ROBO1: variants seen among roughly 807,000 people sequenced by gnomAD.
ROBO1 encodes the protein roundabout homolog 1.
A neutral mutation model predicts 195.9 loss-of-function variants in ROBO1; 149 were observed. The observed-to-expected ratio is 0.76, with a 90% CI of 0.67 to 0.87. ROBO1 has a LOEUF of 0.87. ROBO1 is among the 40% of genes least tolerant of loss of function. ROBO1 has a pLI of 0.00. For missense variants in ROBO1, 1,933 were observed against 2,068.3 expected (o/e 0.93, Z 1.27); for synonymous variants, 816 against 733.2 (o/e 1.11, Z -1.82).
chr3:79,010,338 G>A lies in ROBO1; in HGVS notation c.173-71411C>T, dbSNP rs72892003. On this transcript the variant is annotated intron_variant, in intron 3 of 30. Transcript: ENST00000464233. ...TACTTTGACTGGCCATAGTTAAAGA[G>A]CTTAACTTGTTGAACCTCATTTTTC... Among the ~76,000 whole-genome samples the A allele has an allele frequency of 7.1e-3, 1,085 of 152,184 alleles. 12 individuals are homozygous for A. The highest frequency in any genetic ancestry group is 0.025 in the African/African-American group (1,018 of 41,532).
chr3:78,933,848 T>G (rs780364633), intron 4 of ROBO1, among the ~76,000 whole-genome samples: 19 of 152,010 alleles, frequency 1.2e-4, no homozygotes, highest in Non-Finnish European at 2.5e-4. Context: ...ATTATTTGCA[T>G]GTCCTGCATC....
chr3:79,588,943 C>G (rs1022696780), intron 2 of ROBO1, among the ~76,000 whole-genome samples: 4 of 151,600 alleles, frequency 2.6e-5, no homozygotes, highest in Non-Finnish European at 5.9e-5. Context: ...TTTTTGAAAT[C>G]TTTGATTTTG....
chr3:79,136,847 T>C (rs530263386), intron 2 of ROBO1, among the ~76,000 whole-genome samples: 1 of 152,202 alleles, frequency 6.6e-6, no homozygotes, highest in South Asian at 2.1e-4. Context: ...AAAAAATCAG[T>C]AGGTGCTTTT....
intron 1 of ROBO1, among the ~76,000 whole-genome samples, chr3:79,697,330 A>G (rs1947477202): frequency 6.6e-6 from 1 of 151,572 alleles, no homozygotes; most frequent in African/African-American, 2.4e-5. Flanking sequence ...AACAATGTTA[A>G]TTCAAGAATT....
chr3:79,554,873 G>A (rs1182858471), intron 2 of ROBO1, among the ~76,000 whole-genome samples: 1 of 152,102 alleles, frequency 6.6e-6, no homozygotes, highest in Non-Finnish European at 1.5e-5. Context: ...ACTGTGAGAA[G>A]TAACACAGAA....
intron 2 of ROBO1, among the ~76,000 whole-genome samples, chr3:79,447,367 G>T (rs1021014941): frequency 8.5e-5 from 13 of 152,052 alleles, no homozygotes; most frequent in Admixed American, 2.6e-4. Flanking sequence ...AAATTCAACA[G>T]AAGCAAAGAA....
chr3:79,603,597 A>G (rs1300888416), intron 1 of ROBO1, among the ~76,000 whole-genome samples: 1 of 151,944 alleles, frequency 6.6e-6, no homozygotes, highest in Non-Finnish European at 1.5e-5. Context: ...TCCCTCTCTC[A>G]CCAACAAAGA....
intron 1 of ROBO1, among the ~76,000 whole-genome samples, chr3:79,613,785 A>G (rs763202410): frequency 1.3e-5 from 2 of 152,084 alleles, no homozygotes; most frequent in Non-Finnish European, 2.9e-5. Context: ...GAAACACACA[A>G]TAAATATAAT....
intron 14 of ROBO1, among the ~76,000 whole-genome samples, chr3:78,665,473 ATAGT>A (rs1392767147): frequency 6.6e-6 from 1 of 152,124 alleles, no homozygotes; most frequent in African/African-American, 2.4e-5. Flanking sequence ...ATTAACTTTA[ATAGT>A]TAGCACTCTC....
At chr3:78,938,407 C>T in intron 4 of ROBO1, 194 bp downstream of exon 4, 1 of 540,182 alleles carries the variant, frequency 1.9e-6, no homozygotes, top group South Asian at 2.6e-5. Context: ...TGTGTAAATA[C>T]CAATTTAGCT....
chr3:79,304,397 G>T (rs939439349), intron 2 of ROBO1, among the ~76,000 whole-genome samples: 22 of 152,084 alleles, frequency 1.4e-4, no homozygotes, highest in Admixed American at 4.6e-4. Flanking sequence ...ATAGACTGCG[G>T]CTATTTAAAG....
chr3:79,701,796 C>T (rs1234155776), intron 1 of ROBO1, among the ~76,000 whole-genome samples: 3 of 150,624 alleles, frequency 2.0e-5, no homozygotes, highest in East Asian at 3.9e-4. Context: ...AATTTAAATG[C>T]TCCATTAATT....
At chr3:78,939,427 A>AATAGTTT (rs2040006127) in intron 3 of ROBO1, among the ~76,000 whole-genome samples, 5 of 151,374 alleles carry the variant, frequency 3.3e-5, no homozygotes, top group Admixed American at 6.6e-5. Context: ...ATCCTGGCTA[A>AATAGTTT]CAAGGTGAAA....
At chr3:78,945,810 A>G (rs1199676221) in intron 3 of ROBO1, among the ~76,000 whole-genome samples, 1 of 152,208 alleles carries the variant, frequency 6.6e-6, no homozygotes, top group Non-Finnish European at 1.5e-5. Flanking sequence ...GAACCAATAC[A>G]GAGAAGTCCT....
chr3:79,507,983 TATC>T (rs988987006), intron 2 of ROBO1: 1 of 152,756 alleles, frequency 6.5e-6, no homozygotes, highest in African/African-American at 2.4e-5. Context: ...CTCAGCAAAA[TATC>T]AGCAAAATAT....
chr3:79,727,625 C>T (rs1475766349), intron 1 of ROBO1, among the ~76,000 whole-genome samples: 1 of 152,118 alleles, frequency 6.6e-6, no homozygotes, highest in East Asian at 1.9e-4. Context: ...AAAGAAATAT[C>T]TATTAACTAC....
At chr3:79,550,571 A>G (rs776712497) in intron 2 of ROBO1, among the ~76,000 whole-genome samples, 1 of 152,248 alleles carries the variant, frequency 6.6e-6, no homozygotes, top group Non-Finnish European at 1.5e-5. Flanking sequence ...TTTGGAATAC[A>G]TAAACCACTT....
intron 1 of ROBO1, among the ~76,000 whole-genome samples, chr3:79,708,960 G>C (rs576108569): frequency 6.6e-6 from 1 of 152,098 alleles, no homozygotes; most frequent in African/African-American, 2.4e-5. Context: ...TTATACCAGT[G>C]ATTATCAGAG....
chr3:78,968,949 TA>T (rs770981158), intron 3 of ROBO1, among the ~76,000 whole-genome samples: 3 of 152,162 alleles, frequency 2.0e-5, no homozygotes, highest in Non-Finnish European at 4.4e-5. Flanking sequence ...TACAGATGGT[TA>T]GAAAGGAAGG....
Sources: allele counts gnomAD v4.1 joint callset (sites outside exome capture counted in the v4.1 genomes callset), GRCh38; gene constraint gnomAD v4.1.1; transcripts MANE v1.5; gene names NCBI Gene and HGNC (gene_info 2026-07-23, HGNC 2026-07-21).